The following GLDN variants were observed in gnomAD, a reference collection of about 807,000 sequenced individuals.
GLDN encodes the protein collomin.
GLDN carries 47 observed loss-of-function variants against 56.5 expected under a neutral mutation model. That is an observed-to-expected ratio of 0.83 (90% CI 0.66 to 1.06). GLDN has a LOEUF of 1.06. Ranked by LOEUF, GLDN falls within the 50% of genes least tolerant of loss-of-function variation. GLDN has a pLI of 0.00. For synonymous variants in GLDN, 332 were observed against 278.8 expected (o/e 1.19, Z -1.90); for missense variants, 782 against 714.3 (o/e 1.09, Z -1.08).
At chr15:51,365,283 T>C (rs2037377985) in intron 1 of GLDN, among the ~76,000 whole-genome samples, 1 of 152,198 alleles carries the variant, frequency 6.6e-6, no homozygotes. Context: ...TTTTCATTAA[T>C]TTTCTTTATT....
rs978435502 is a variant in GLDN, at chr15:51,383,911, C to T, written c.541+19C>T. The T allele has an allele frequency of 2.0e-6, 3 of 1,511,156 alleles. No individual in the cohort carries two copies. The highest frequency in any genetic ancestry group is 2.7e-6 in the Non-Finnish European group (3 of 1,098,100). The allele number at this position is 1,511,156 out of a possible 1,614,324, so 93.6% of individuals were successfully genotyped here. ...AAAATGGGTATTTTTGGCAACTCTTCTAATTAATTTCCCTGTTATTTATCT... is the reference window on the plus strand; with the variant it reads ...AAAATGGGTATTTTTGGCAACTCTTTTAATTAATTTCCCTGTTATTTATCT... On this transcript the variant is annotated intron_variant, in intron 4 of 9. Coordinates refer to ENST00000335449, the MANE Select transcript of GLDN (RefSeq NM_181789.4).
intron 1 of GLDN, among the ~76,000 whole-genome samples, chr15:51,349,742 ATT>A (rs11424647): frequency 4.2e-5 from 6 of 141,230 alleles, no homozygotes; most frequent in Non-Finnish European, 3.1e-5. Context: ...ACTAGGGCTG[ATT>A]TTTTTTTTTT....
chr15:51,342,558 C>T (rs2036906086), intron 1 of GLDN, among the ~76,000 whole-genome samples: 2 of 152,160 alleles, frequency 1.3e-5, no homozygotes, highest in African/African-American at 4.8e-5. Context: ...GCGAGATGGC[C>T]GGCCTAATTG....
chr15:51,410,238 T>C (rs559926314), downstream of GLDN, among the ~76,000 whole-genome samples: 1 of 152,306 alleles, frequency 6.6e-6, no homozygotes, highest in Admixed American at 6.5e-5. Context: ...TTAAATCCTC[T>C]CTACAAATGC....
At position 51,406,135 on chromosome 15, in the gene GLDN, C is replaced by T. The variant is rs1032376624; in HGVS notation, c.*1381C>T. 6.6e-6 allele frequency: 1 copy of T among 152,194 alleles called. No homozygotes were observed. Among genetic ancestry groups the T allele is most frequent in the African/African-American group, 2.4e-5 (1 of 41,432 alleles). The allele number at this position is 152,194 out of a possible 1,614,324, so 9.4% of individuals were successfully genotyped here. On this transcript the variant is annotated 3_prime_UTR_variant, in exon 10 of 10. Transcript: ENST00000335449. ...GATAACGGCGTAAGATGAAGTGGCC[C>T]TCCACAAAGGCTGGTTAGGGGACAG...
chr15:51,368,536 G>A (rs537549767), intron 1 of GLDN, among the ~76,000 whole-genome samples: 132 of 151,766 alleles, frequency 8.7e-4, no homozygotes, highest in African/African-American at 3.0e-3. Context: ...CTGGGGCCTA[G>A]GAGTCACACC....
chr15:51,389,223 A>G (rs377043360), intron 4 of GLDN, among the ~76,000 whole-genome samples: 2 of 152,230 alleles, frequency 1.3e-5, no homozygotes, highest in Non-Finnish European at 2.9e-5. Context: ...GTGTTGGTCA[A>G]TGAAGGCAGG....
chr15:51,358,855 G>A (rs541990671), intron 1 of GLDN, among the ~76,000 whole-genome samples: 10 of 152,310 alleles, frequency 6.6e-5, no homozygotes, highest in African/African-American at 1.2e-4. Flanking sequence ...ATGGCCACCC[G>A]AGGGAAGTAA....
rs1157387046 is a variant in GLDN at position 51,399,600 on chromosome 15, TAGAC to T, written c.818-588_818-585del. Among the ~76,000 whole-genome samples, 10 of 152,284 alleles carry T rather than the reference TAGAC, an allele frequency of 6.6e-5. No homozygotes were observed. The South Asian group carries it at 1.0e-3, about 16-fold the overall frequency. ...AAGGACCTGTGTTTCTCTAGGCTCT[TAGAC>T]AGAGACAGTGGGGAAATGGTCATGA... is the stretch of plus-strand genomic sequence containing the variant. On this transcript the variant is annotated intron_variant, in intron 6 of 9. Coordinates refer to ENST00000335449, the MANE Select transcript of GLDN (RefSeq NM_181789.4).
chr15:51,384,775 T>C (rs990155414), intron 4 of GLDN: 5 of 152,304 alleles, frequency 3.3e-5, no homozygotes, highest in African/African-American at 9.7e-5. Context: ...TCAAAGCCAC[T>C]GCTGAGGGCA....
At chr15:51,355,748 C>A (rs952922878) in intron 1 of GLDN, among the ~76,000 whole-genome samples, 1 of 149,736 alleles carries the variant, frequency 6.7e-6, no homozygotes, top group African/African-American at 2.4e-5. Flanking sequence ...TGGTCTTGAT[C>A]TCCTGACTTT....
Position 51,383,452 on chromosome 15 carries a change from A to G in GLDN, c.432A>G (p.Pro144=). ...CCGTTGTAGGACCTTCTGGACCACC[A>G]GGTAAGAGCCCATGGATTTTCTAGT... ...GICLTGPSGP[P]GPPGAGGLPG... is the part of the protein sequence containing the mutation. The change falls in exon 3 of 10, where the codon CCA becomes CCG. Residue 144 remains proline, a splice_region_variant and synonymous_variant. Transcript: ENST00000335449. The G allele has an allele frequency of 6.2e-7, 1 of 1,614,012 alleles. No homozygotes were observed. Among genetic ancestry groups the G allele is most frequent in the Non-Finnish European group, 8.5e-7 (1 of 1,179,934 alleles).
At chr15:51,373,552 G>A (rs1398507299) in intron 1 of GLDN, among the ~76,000 whole-genome samples, 1 of 152,206 alleles carries the variant, frequency 6.6e-6, no homozygotes, top group Non-Finnish European at 1.5e-5. Context: ...TGAGGTGATG[G>A]GGAGTGGCTG....
chr15:51,385,926 C>T (rs1044678937), intron 4 of GLDN, among the ~76,000 whole-genome samples: 2 of 152,088 alleles, frequency 1.3e-5, no homozygotes, highest in African/African-American at 2.4e-5. Flanking sequence ...CAGAGAAAAA[C>T]GGGGAGGATG....
At chr15:51,383,398 G>T in intron 2 of GLDN, 38 bp from the exon 3 acceptor site, 5 of 1,612,484 alleles carry the variant, frequency 3.1e-6, no homozygotes, top group Non-Finnish European at 4.2e-6. Context: ...TTCTGGGTTC[G>T]GTGCTGGTTT....
chr15:51,372,113 G>A (rs939658960), intron 1 of GLDN, among the ~76,000 whole-genome samples: 12 of 152,152 alleles, frequency 7.9e-5, no homozygotes, highest in Non-Finnish European at 7.3e-5. Flanking sequence ...ACATAGCAAG[G>A]GATTGAAGTG....
At chr15:51,390,674 C>A (rs1196573391) in intron 4 of GLDN, among the ~76,000 whole-genome samples, 2 of 152,172 alleles carry the variant, frequency 1.3e-5, no homozygotes, top group African/African-American at 4.8e-5. Flanking sequence ...AACATCCTCC[C>A]TCACCCCATG....
intron 4 of GLDN, among the ~76,000 whole-genome samples, chr15:51,390,661 T>C (rs761149061): frequency 1.3e-5 from 2 of 151,968 alleles, no homozygotes; most frequent in Non-Finnish European, 2.9e-5. Flanking sequence ...CTGCTGAAAA[T>C]AAAACATCCT....
intron 1 of GLDN, among the ~76,000 whole-genome samples, chr15:51,349,601 C>T (rs924940203): frequency 2.0e-5 from 3 of 152,256 alleles, no homozygotes; most frequent in African/African-American, 4.8e-5. Context: ...GCTGCTTTGG[C>T]ACTACAGCAG....
Sources: gnomAD v4.1 joint callset for allele counts (sites outside exome capture counted in the v4.1 genomes callset) on GRCh38, gnomAD v4.1.1 for gene constraint, MANE v1.5 for transcripts, NCBI Gene and HGNC (gene_info 2026-07-23, HGNC 2026-07-21) for gene names.